TBC1D16: variants seen among roughly 807,000 people sequenced by gnomAD.
TBC1D16 encodes CTD-2529O21.1.
In TBC1D16, 58 loss-of-function variants were observed where a neutral mutation model predicts 74.7. That is an observed-to-expected ratio of 0.78 (90% CI 0.63 to 0.97). The LOEUF is 0.97. Ranked by LOEUF, TBC1D16 falls within the 50% of genes least tolerant of loss-of-function variation. The probability of loss-of-function intolerance (pLI) is 0.00; values close to 1 mark genes in which losing one functional copy is unlikely to be tolerated. For synonymous variants in TBC1D16, 493 were observed against 474.7 expected, an observed-to-expected ratio of 1.04 and a Z score of -0.50; for missense variants, 1,014 against 1,079.5, an observed-to-expected ratio of 0.94 and a Z score of 0.85.
chr17:80,014,491 C>T (rs569626907), intron 1 of TBC1D16, among the ~76,000 whole-genome samples: 13 of 152,062 alleles, frequency 8.5e-5, no homozygotes, highest in Admixed American at 1.3e-4. Flanking sequence ...AAGAGGAAAA[C>T]CAAAGAACTG....
At position 79,952,736 on chromosome 17, in the gene TBC1D16, G is replaced by A. The variant is rs771244919; in HGVS notation, c.862C>T (p.Arg288Trp). Residue 288 changes from arginine to tryptophan, a missense_variant, in exon 4 of 12, where the codon CGG becomes TGG. Physicochemically the swap from Arg to Trp is moderately radical, Grantham distance 101 (BLOSUM62 -3). Transcript: ENST00000310924. ...LQTPRWDEPQ[R>W]VCALEQICGV... The stretch of plus-strand genomic sequence containing the variant: ...CAAATCTGCTCCAGGGCGCACACCC[G>A]CTGCGGCTCGTCCCAGCGTGGGGTC... 7 of 1,611,968 alleles carry A rather than the reference G, an allele frequency of 4.3e-6. No individual in the cohort carries two copies. The highest frequency in any genetic ancestry group is 1.7e-5 in the Admixed American group (1 of 59,964).
At chr17:80,021,016 GC>G (rs1201559203) in intron 1 of TBC1D16, among the ~76,000 whole-genome samples, 1 of 150,006 alleles carries the variant, frequency 6.7e-6, no homozygotes, top group African/African-American at 2.5e-5. Flanking sequence ...ACTTTGGGAG[GC>G]CAAGGCGGGT....
At position 79,975,309 on chromosome 17, in the gene TBC1D16, C is replaced by T. The variant is rs186253412; in HGVS notation, c.780-22491G>A. Among the ~76,000 whole-genome samples, 4 of 152,300 alleles carry T rather than the reference C, an allele frequency of 2.6e-5. No individual in the cohort carries two copies. Among genetic ancestry groups the T allele is most frequent in the Admixed American group, 2.0e-4 (3 of 15,306 alleles). The stretch of plus-strand genomic sequence containing the variant: ...CTGTAATCTACCTGGATTGGAACGC[C>T]CAGCTTTGTACAGCCTGAGCTCTGG... On this transcript the variant is annotated intron_variant, in intron 3 of 11. Coordinates refer to ENST00000310924, the MANE Select transcript of TBC1D16 (RefSeq NM_019020.4). The surrounding 1 kb of genome is among the most constrained non-coding windows in gnomAD (Gnocchi z 4.5).
chr17:79,957,836 C>A (rs2033407343), intron 3 of TBC1D16, among the ~76,000 whole-genome samples: 1 of 143,898 alleles, frequency 6.9e-6, no homozygotes. Context: ...ACTAAAACAG[C>A]TTCAAAAAAT....
chr17:80,034,200 CTTTTT>C (rs35010521), intron 1 of TBC1D16, among the ~76,000 whole-genome samples: 2 of 120,878 alleles, frequency 1.7e-5, no homozygotes, highest in African/African-American at 6.4e-5. Context: ...TTTTTTTTTC[CTTTTT>C]TTTTTTTTTT....
Position 79,941,219 on chromosome 17 carries a change from G to T in TBC1D16, c.2056-112C>A. On this transcript the variant is annotated intron_variant, in intron 11 of 11. Coordinates refer to ENST00000310924, the MANE Select transcript of TBC1D16 (RefSeq NM_019020.4). This position sits in a 1 kb window ranked among gnomAD's most constrained non-coding sequence, Gnocchi z 4.3. Reference sequence around the variant, plus strand: ...AGCAGCAACAACGGCCTGCACCTCGGGGGCTCACCGAGTCCTGGACTGAGG... The same window carrying T: ...AGCAGCAACAACGGCCTGCACCTCGTGGGCTCACCGAGTCCTGGACTGAGG... 1 of 1,072,044 alleles carries T rather than the reference G, an allele frequency of 9.3e-7. No homozygotes were observed. The highest frequency in any genetic ancestry group is 1.3e-6 in the Non-Finnish European group (1 of 754,032). 66.4% of individuals were successfully genotyped at this position (1,072,044 alleles called of 1,614,324 possible).
chr17:79,972,200 GGAGT>G (rs2034139838), intron 3 of TBC1D16, among the ~76,000 whole-genome samples: 1 of 151,982 alleles, frequency 6.6e-6, no homozygotes, highest in Non-Finnish European at 1.5e-5. Flanking sequence ...CCCCTGAGAG[GGAGT>G]CTTGCTTTGT....
Position 79,988,069 on chromosome 17 carries a change from A to G in TBC1D16, c.779+22091T>C, listed in dbSNP as rs2034911862. 6.6e-6 allele frequency among the ~76,000 whole-genome samples: 1 copy of G among 152,220 alleles called. No individual in the cohort carries two copies. ...GATATTCAATATTTCCTTCTGATTC[A>G]AACGAAATACTTCTAAGTTCTTCTC... On this transcript the variant is annotated intron_variant, in intron 3 of 11. Coordinates refer to ENST00000310924, the MANE Select transcript of TBC1D16 (RefSeq NM_019020.4). The surrounding 1 kb of genome is among the most constrained non-coding windows in gnomAD (Gnocchi z 5.7).
rs556405941 is a variant in TBC1D16 at position 80,009,173 on chromosome 17, G to A, written c.779+987C>T. Reference sequence around the variant, plus strand: ...CCCAGACCACCCACGTCCAGCATGCGCCCGGCTCACACCACGAGCTCAACA... The same window carrying A: ...CCCAGACCACCCACGTCCAGCATGCACCCGGCTCACACCACGAGCTCAACA... On this transcript the variant is annotated intron_variant, in intron 3 of 11. Transcript: ENST00000310924. The surrounding 1 kb of genome is among the most constrained non-coding windows in gnomAD (Gnocchi z 5.4). 2.6e-4 allele frequency among the ~76,000 whole-genome samples: 39 copies of A among 152,332 alleles called. No individual in the cohort carries two copies. The highest frequency in any genetic ancestry group is 8.2e-4 in the African/African-American group (34 of 41,582).
At position 79,975,052 on chromosome 17, in the gene TBC1D16, C is replaced by T. The variant is rs2034273240; in HGVS notation, c.780-22234G>A. ...AAGGAAGAAGCCCTCTGCTCCGTCA[C>T]CTCCTCGCCATGCCGTCCCCACTGC... On this transcript the variant is annotated intron_variant, in intron 3 of 11. Coordinates refer to ENST00000310924, the MANE Select transcript of TBC1D16 (RefSeq NM_019020.4). This position sits in a 1 kb window ranked among gnomAD's most constrained non-coding sequence, Gnocchi z 4.5. Among the ~76,000 whole-genome samples the T allele has an allele frequency of 6.6e-6, 1 of 152,224 alleles. No individual in the cohort carries two copies. Among genetic ancestry groups the T allele is most frequent in the Non-Finnish European group, 1.5e-5 (1 of 68,040 alleles).
rs1384418211 is a variant in TBC1D16, at chr17:79,937,820, C to G, written c.*3039G>C. Reference sequence around the variant, plus strand: ...GCCTGACCACGTTGCCTCTTGGGTGCCAGCACGCCCACATCAAAGGTGTCC... The same window carrying G: ...GCCTGACCACGTTGCCTCTTGGGTGGCAGCACGCCCACATCAAAGGTGTCC... On this transcript the variant is annotated 3_prime_UTR_variant, in exon 12 of 12. Coordinates refer to ENST00000310924, the MANE Select transcript of TBC1D16 (RefSeq NM_019020.4). 3 of 152,256 alleles carry G rather than the reference C, an allele frequency of 2.0e-5. No individual in the cohort carries two copies. The highest frequency in any genetic ancestry group is 4.4e-5 in the Non-Finnish European group (3 of 68,068). 9.4% of individuals were successfully genotyped at this position (152,256 alleles called of 1,614,324 possible). A position where few individuals can be genotyped will look rare whatever the true frequency, so the allele number is the denominator to read the frequency against.
In TBC1D16 at chr17:79,991,037, G is replaced by C. The variant is rs921963517; in HGVS notation, c.779+19123C>G. Among the ~76,000 whole-genome samples, 3 of 152,358 alleles carry C rather than the reference G, an allele frequency of 2.0e-5. No individual in the cohort carries two copies. In the South Asian group the frequency reaches 6.2e-4, roughly 32 times the overall value. The stretch of plus-strand genomic sequence containing the variant: ...CTTTCACCATGGGCTACTGTGGACG[G>C]TGCTGCTATGGGCAGGGGTGGTCAT... On this transcript the variant is annotated intron_variant, in intron 3 of 11. Transcript: ENST00000310924.
chr17:79,967,118 T>C (rs1271253343), intron 3 of TBC1D16, among the ~76,000 whole-genome samples: 1 of 152,184 alleles, frequency 6.6e-6, no homozygotes, highest in African/African-American at 2.4e-5. Context: ...AATTTAAGTG[T>C]GAAAGACTAA....
At chr17:79,948,545 C>T (rs72847465) in intron 8 of TBC1D16, among the ~76,000 whole-genome samples, 6 of 152,198 alleles carry the variant, frequency 3.9e-5, no homozygotes, top group African/African-American at 7.2e-5. Context: ...TGTATGACTA[C>T]GGGACCACCC....
intron 3 of TBC1D16, among the ~76,000 whole-genome samples, chr17:79,953,674 T>C (rs1194109895): frequency 6.6e-6 from 1 of 152,244 alleles, no homozygotes. Flanking sequence ...TTTTATGAGT[T>C]TGTTACATTC....
intron 1 of TBC1D16, among the ~76,000 whole-genome samples, chr17:80,026,995 C>T (rs1220465998): frequency 2.9e-5 from 4 of 138,262 alleles, no homozygotes; most frequent in African/African-American, 1.4e-4. Context: ...TGAGTGAACA[C>T]TGGAAAGGGA....
In TBC1D16 at chr17:80,009,785, G is replaced by C. The variant is rs991031521; in HGVS notation, c.779+375C>G. 6.6e-6 allele frequency among the ~76,000 whole-genome samples: 1 copy of C among 152,202 alleles called. No homozygotes were observed. The highest frequency in any genetic ancestry group is 2.4e-5 in the African/African-American group (1 of 41,452). ...ACCCGGGCCTCTTGGGCACTCGCTTGGGGACTGAAAATCTCCTGCCCCTCC... is the reference window on the plus strand; with the variant it reads ...ACCCGGGCCTCTTGGGCACTCGCTTCGGGACTGAAAATCTCCTGCCCCTCC... On this transcript the variant is annotated intron_variant, in intron 3 of 11. Transcript: ENST00000310924. The surrounding 1 kb of genome is among the most constrained non-coding windows in gnomAD (Gnocchi z 5.4).
At position 79,950,585 on chromosome 17, in the gene TBC1D16, G is replaced by T. The variant is rs374930434; in HGVS notation, c.1090-7C>A. 3 of 1,610,492 alleles carry T rather than the reference G, an allele frequency of 1.9e-6. No individual in the cohort carries two copies. Among genetic ancestry groups the T allele is most frequent in the Non-Finnish European group, 2.5e-6 (3 of 1,178,782 alleles). ...TCTTATCGGGGGCGACCTGCTGGAC[G>T]GGAGGAAAACTGGGCAAAGGTCAGG... On this transcript the variant is annotated splice_region_variant and splice_polypyrimidine_tract_variant and intron_variant, in intron 5 of 11. Transcript: ENST00000310924. The surrounding 1 kb of genome is among the most constrained non-coding windows in gnomAD (Gnocchi z 4.6).
rs80100227 is a variant in TBC1D16, at chr17:79,971,421, G to A, written c.780-18603C>T. Among the ~76,000 whole-genome samples the A allele has an allele frequency of 0.015, 2,301 of 152,200 alleles. 64 individuals are homozygous for A. Among genetic ancestry groups the A allele is most frequent in the African/African-American group, 0.051 (2,120 of 41,490 alleles). On this transcript the variant is annotated intron_variant, in intron 3 of 11. Coordinates refer to ENST00000310924, the MANE Select transcript of TBC1D16 (RefSeq NM_019020.4). This position sits in a 1 kb window ranked among gnomAD's most constrained non-coding sequence, Gnocchi z 4.6. ...TAAAAAGACTGAAGTGTGCAGAATC[G>A]GCATTGGAAGCCTGTCCCCCAGGTC...
Sources: allele counts gnomAD v4.1 joint callset (sites outside exome capture counted in the v4.1 genomes callset), GRCh38; gene constraint gnomAD v4.1.1; non-coding constraint Gnocchi (gnomAD v3.1); transcripts MANE v1.5; gene names NCBI Gene and HGNC (gene_info 2026-07-23, HGNC 2026-07-21).